SLC25A21: variants seen among roughly 807,000 people sequenced by gnomAD.
SLC25A21 encodes mitochondrial 2-oxodicarboxylate carrier.
SLC25A21 carries 47 observed loss-of-function variants against 43.8 expected under a neutral mutation model. The observed-to-expected ratio is 1.07, with a 90% CI of 0.85 to 1.37. SLC25A21 has a LOEUF of 1.37. SLC25A21 is among the 40% of genes most tolerant of loss of function. The pLI is 0.00. For missense variants in SLC25A21, 352 were observed against 350.2 expected (o/e 1.00, Z -0.04); for synonymous variants, 131 against 121.3 (o/e 1.08, Z -0.52).
chr14:36,847,158 T>C (rs1291516941), intron 2 of SLC25A21, among the ~76,000 whole-genome samples: 1 of 152,180 alleles, frequency 6.6e-6, no homozygotes, highest in African/African-American at 2.4e-5. Flanking sequence ...ATCTGAATTC[T>C]GAAACATATC....
At chr14:37,032,154 A>T (rs1961225295) in intron 1 of SLC25A21, among the ~76,000 whole-genome samples, 1 of 152,226 alleles carries the variant, frequency 6.6e-6, no homozygotes, top group Non-Finnish European at 1.5e-5. Flanking sequence ...AGAAAATATT[A>T]CATATAAATC....
chr14:37,010,458 C>G (rs971979966), intron 1 of SLC25A21, among the ~76,000 whole-genome samples: 2 of 152,136 alleles, frequency 1.3e-5, no homozygotes, highest in African/African-American at 4.8e-5. Context: ...GAAAGAAATG[C>G]AAACAATTAC....
intron 1 of SLC25A21, among the ~76,000 whole-genome samples, chr14:36,991,593 A>G (rs988277178): frequency 1.3e-4 from 20 of 152,322 alleles, no homozygotes; most frequent in African/African-American, 4.6e-4. Flanking sequence ...GGGAGGTAAT[A>G]TTATTATTTC....
At chr14:36,752,873 G>A (rs952511736) in intron 3 of SLC25A21, among the ~76,000 whole-genome samples, 6 of 152,148 alleles carry the variant, frequency 3.9e-5, no homozygotes, top group Non-Finnish European at 8.8e-5. Context: ...TGTGAAGAAG[G>A]ACGTGTTTGC....
At chr14:36,997,819 C>CAA (rs201032859) in intron 1 of SLC25A21, among the ~76,000 whole-genome samples, 1,924 of 119,560 alleles carry the variant, frequency 0.016, 34 homozygotes, top group African/African-American at 0.052. Flanking sequence ...GACTCTGTCT[C>CAA]AAAAAAAAAA....
rs142614312 is a variant in SLC25A21 at position 37,095,026 on chromosome 14, T to C, written c.70+77255A>G. Among the ~76,000 whole-genome samples, 564 of 152,272 alleles carry C rather than the reference T, an allele frequency of 3.7e-3. 3 individuals are homozygous for C. The highest frequency in any genetic ancestry group is 8.2e-3 in the African/African-American group (340 of 41,566). ...TGATATATATGTTAATTGGCTTAAA[T>C]TGGCCATTCCACAATGGCCATGATA... On this transcript the variant is annotated intron_variant, in intron 1 of 9. Transcript: ENST00000331299.
chr14:37,075,850 A>T (rs1205606516), intron 1 of SLC25A21, among the ~76,000 whole-genome samples: 1 of 152,226 alleles, frequency 6.6e-6, no homozygotes, highest in Admixed American at 6.5e-5. Context: ...CCATATTTTA[A>T]CAGCCCGTCA....
chr14:36,746,111 C>T (rs1885485759), intron 3 of SLC25A21, among the ~76,000 whole-genome samples: 1 of 151,770 alleles, frequency 6.6e-6, no homozygotes, highest in African/African-American at 2.4e-5. Context: ...GGTATCTACC[C>T]AAAGGAAAAA....
At chr14:36,932,075 TCA>T (rs1892310549) in intron 1 of SLC25A21, among the ~76,000 whole-genome samples, 1 of 152,122 alleles carries the variant, frequency 6.6e-6, no homozygotes, top group Admixed American at 6.6e-5. Flanking sequence ...TTTCTGTGCT[TCA>T]GTCTTATAAA....
At chr14:36,941,803 A>G (rs1486380005) in intron 1 of SLC25A21, among the ~76,000 whole-genome samples, 1 of 152,068 alleles carries the variant, frequency 6.6e-6, no homozygotes, top group African/African-American at 2.4e-5. Context: ...ATACTTAAAT[A>G]CATAATTTTA....
chr14:36,678,162 G>A lies in SLC25A21; in HGVS notation c.*2496C>T, dbSNP rs1232942891. On this transcript the variant is annotated 3_prime_UTR_variant, in exon 10 of 10. Transcript: ENST00000331299. ...GTCTGTGCTGTGCACAGTCTACATG[G>A]CAATGCGGTTCCACCACATCGGTTT... is the stretch of plus-strand genomic sequence containing the variant. 5.1e-6 allele frequency: 2 copies of A among 394,538 alleles called. No individual in the cohort carries two copies. The highest frequency in any genetic ancestry group is 3.7e-5 in the Admixed American group (1 of 27,062). 24.4% of individuals were successfully genotyped at this position (394,538 alleles called of 1,614,324 possible). A position where few individuals can be genotyped will look rare whatever the true frequency, so the allele number is the denominator to read the frequency against.
At chr14:36,881,202 T>A (rs1890711523) in intron 1 of SLC25A21, among the ~76,000 whole-genome samples, 1 of 152,176 alleles carries the variant, frequency 6.6e-6, no homozygotes, top group Non-Finnish European at 1.5e-5. Flanking sequence ...TGACAAAAAC[T>A]AACGACAGAA....
chr14:37,104,681 T>C (rs1962879437), intron 1 of SLC25A21, among the ~76,000 whole-genome samples: 1 of 152,200 alleles, frequency 6.6e-6, no homozygotes, highest in South Asian at 2.1e-4. Flanking sequence ...GAAAGTATTT[T>C]TGGTCCTCTT....
At chr14:37,136,092 C>A (rs1191034708) in intron 1 of SLC25A21, among the ~76,000 whole-genome samples, 1 of 152,056 alleles carries the variant, frequency 6.6e-6, no homozygotes, top group Admixed American at 6.6e-5. Context: ...TGGAATGATA[C>A]CTAGCACAGA....
intron 1 of SLC25A21, among the ~76,000 whole-genome samples, chr14:37,000,932 A>T (rs1594746208): frequency 6.6e-6 from 1 of 151,800 alleles, no homozygotes; most frequent in South Asian, 2.1e-4. Context: ...AGTAAATTAA[A>T]CCTCTTTTCT....
intron 1 of SLC25A21, among the ~76,000 whole-genome samples, chr14:37,076,353 G>A (rs1169501845): frequency 6.6e-6 from 1 of 151,808 alleles, no homozygotes; most frequent in Non-Finnish European, 1.5e-5. Flanking sequence ...TAGAGATGTA[G>A]TAGAGATGGG....
chr14:36,835,682 C>G (rs1192650553), intron 2 of SLC25A21, among the ~76,000 whole-genome samples: 1 of 152,188 alleles, frequency 6.6e-6, no homozygotes, highest in Non-Finnish European at 1.5e-5. Flanking sequence ...AATGACTTAG[C>G]ATTTGTGAAA....
intron 3 of SLC25A21, among the ~76,000 whole-genome samples, chr14:36,810,968 A>AG (rs1160744675): frequency 1.4e-5 from 2 of 147,866 alleles, no homozygotes; most frequent in Non-Finnish European, 3.1e-5. Flanking sequence ...AGGGTCAGGG[A>AG]GGGTGAAATA....
intron 3 of SLC25A21, among the ~76,000 whole-genome samples, chr14:36,750,566 G>C (rs916843935): frequency 6.6e-6 from 1 of 152,084 alleles, no homozygotes; most frequent in African/African-American, 2.4e-5. Context: ...CTAATTTGAT[G>C]GAGCTTTTGA....
Sources: allele counts gnomAD v4.1 joint callset (sites outside exome capture counted in the v4.1 genomes callset), GRCh38; gene constraint gnomAD v4.1.1; transcripts MANE v1.5; gene names NCBI Gene and HGNC (gene_info 2026-07-23, HGNC 2026-07-21).